Variants in CCSER2 observed in about 807,000 individuals in gnomAD.
The protein encoded by CCSER2 is serine-rich coiled-coil domain-containing protein 2.
CCSER2 carries 46 observed loss-of-function variants against 92.3 expected under a neutral mutation model. That is an observed-to-expected ratio of 0.50 (90% CI 0.39 to 0.64). The LOEUF is 0.64. CCSER2 is among the 30% of genes least tolerant of loss of function. The pLI, the probability that CCSER2 is intolerant of heterozygous loss-of-function variation, is 0.00. For missense variants in CCSER2, 1,244 were observed against 1,238.9 expected (o/e 1.00, Z -0.06); for synonymous variants, 433 against 431.4 (o/e 1.00, Z -0.04).
chr10:84,331,444 C>T (rs1440683062), intron 1 of CCSER2, among the ~76,000 whole-genome samples: 2 of 152,212 alleles, frequency 1.3e-5, no homozygotes, highest in Non-Finnish European at 2.9e-5. Context: ...TTGGGGCGCT[C>T]TCTCCAGATG....
At chr10:84,419,738 C>T (rs1028431745) in intron 4 of CCSER2, among the ~76,000 whole-genome samples, 4 of 152,166 alleles carry the variant, frequency 2.6e-5, no homozygotes, top group Admixed American at 6.5e-5. Flanking sequence ...AGGAAAATGA[C>T]AGAACCCTGA....
chr10:84,348,758 T>C (rs963603857), intron 1 of CCSER2, among the ~76,000 whole-genome samples: 2 of 152,106 alleles, frequency 1.3e-5, no homozygotes, highest in Non-Finnish European at 2.9e-5. Flanking sequence ...TTGGTAATAA[T>C]TTTATACTCA....
chr10:84,415,126 C>T (rs1372061226), intron 3 of CCSER2, among the ~76,000 whole-genome samples: 3 of 152,174 alleles, frequency 2.0e-5, no homozygotes, highest in Non-Finnish European at 4.4e-5. Flanking sequence ...TGTTAACTCA[C>T]CTTCTGAAGC....
chr10:84,469,335 G>A (rs892573645), intron 7 of CCSER2, among the ~76,000 whole-genome samples: 3 of 151,996 alleles, frequency 2.0e-5, no homozygotes, highest in Non-Finnish European at 2.9e-5. Flanking sequence ...AAAACAAGTG[G>A]AGATTATCTT....
intron 3 of CCSER2, among the ~76,000 whole-genome samples, chr10:84,396,817 G>A (rs894122192): frequency 5.9e-5 from 9 of 151,952 alleles, no homozygotes; most frequent in East Asian, 1.9e-4. Flanking sequence ...GATTACAGGC[G>A]TGAGCCACCA....
At position 84,372,368 on chromosome 10, in the gene CCSER2, A is replaced by C. The variant is rs1427009898; in HGVS notation, c.1316A>C (p.Glu439Ala). 1 of 1,612,518 alleles carries C rather than the reference A, an allele frequency of 6.2e-7. No homozygotes were observed. The highest frequency in any genetic ancestry group is 2.2e-5 in the East Asian group (1 of 44,846). ...CCAGAGGAAATGTCTCTCAAAGAAGAGAAACATGAAAATGGGCCACCACAG... is the reference window on the plus strand; with the variant it reads ...CCAGAGGAAATGTCTCTCAAAGAAGCGAAACATGAAAATGGGCCACCACAG... ...ITPEEMSLKE[E>A]KHENGPPQDM... Residue 439 changes from glutamate (E) to alanine (A), a missense_variant, in exon 2 of 10, where the codon GAG becomes GCG. By Grantham distance (107) the Glu-to-Ala change is moderately radical. Transcript: ENST00000372088.
At chr10:84,464,074 G>A (rs143218716) in intron 7 of CCSER2, 58 bp downstream of exon 7, 6 of 822,204 alleles carry the variant, frequency 7.3e-6, no homozygotes, top group African/African-American at 5.2e-5. Flanking sequence ...CTAAAATAAT[G>A]ATACAATGAC....
chr10:84,347,538 TG>T (rs1844580670), intron 1 of CCSER2, among the ~76,000 whole-genome samples: 1 of 128,872 alleles, frequency 7.8e-6, no homozygotes, highest in Admixed American at 7.5e-5. Context: ...ACGGGGCGGC[TG>T]GCCGGGCGGG....
chr10:84,508,888 G>T (rs1342995578), intron 9 of CCSER2, among the ~76,000 whole-genome samples: 1 of 152,112 alleles, frequency 6.6e-6, no homozygotes, highest in Admixed American at 6.5e-5. Flanking sequence ...GACATACTAT[G>T]TGCTAGGAAG....
intron 1 of CCSER2, among the ~76,000 whole-genome samples, chr10:84,347,402 G>C (rs1186359836): frequency 6.7e-6 from 1 of 148,168 alleles, no homozygotes; most frequent in Non-Finnish European, 1.5e-5. Flanking sequence ...TGGCCGGGGA[G>C]GGGGGGTGCT....
Position 84,371,039 on chromosome 10 carries a change from G to C in CCSER2, c.-14G>C. On this transcript the variant is annotated 5_prime_UTR_variant, in exon 2 of 10. An upstream start codon of the reference 5' UTR is lost. Transcript: ENST00000372088. ...ATTCTTTCAACTTTTAAGAACAAAT[G>C]CACCTTATAGCTCATGGAAGAAAAA... 1 of 1,513,628 alleles carries C rather than the reference G, an allele frequency of 6.6e-7. No homozygotes were observed. Among genetic ancestry groups the C allele is most frequent in the South Asian group, 1.3e-5 (1 of 75,288 alleles). 93.8% of individuals were successfully genotyped at this position (1,513,628 alleles called of 1,614,324 possible).
intron 1 of CCSER2, among the ~76,000 whole-genome samples, chr10:84,348,279 CG>C (rs2133054580): frequency 6.6e-6 from 1 of 152,364 alleles, no homozygotes; most frequent in East Asian, 1.9e-4. Context: ...AGCGAAACCC[CG>C]TCTCCACCAA....
intron 6 of CCSER2, among the ~76,000 whole-genome samples, chr10:84,442,802 A>G (rs371092637): frequency 2.6e-5 from 4 of 152,240 alleles, no homozygotes; most frequent in African/African-American, 9.6e-5. Flanking sequence ...ATATAGACCA[A>G]TGGAACAGAA....
chr10:84,383,163 G>A (rs181388429), intron 3 of CCSER2, among the ~76,000 whole-genome samples: 12 of 144,722 alleles, frequency 8.3e-5, no homozygotes, highest in Admixed American at 5.9e-4. Flanking sequence ...ATCAAACCTG[G>A]TTTATATTTG....
At chr10:84,502,572 C>G (rs1044900088) in intron 9 of CCSER2, among the ~76,000 whole-genome samples, 4 of 151,944 alleles carry the variant, frequency 2.6e-5, no homozygotes, top group African/African-American at 9.7e-5. Flanking sequence ...GAGGTTTCAC[C>G]GTGTTAGCCA....
At chr10:84,472,533 C>T (rs375167860) in intron 8 of CCSER2, among the ~76,000 whole-genome samples, 1 of 152,074 alleles carries the variant, frequency 6.6e-6, no homozygotes, top group South Asian at 2.1e-4. Context: ...GATCATGCCA[C>T]TGCACTTCAG....
chr10:84,457,915 G>A (rs906258680), intron 6 of CCSER2, among the ~76,000 whole-genome samples: 3 of 150,988 alleles, frequency 2.0e-5, no homozygotes, highest in African/African-American at 7.3e-5. Context: ...CTAATTTTTT[G>A]TATTTTTTTC....
chr10:84,501,838 T>TATATATATATATATATACTC (rs1848759377), intron 9 of CCSER2, among the ~76,000 whole-genome samples: 1 of 62,436 alleles, frequency 1.6e-5, no homozygotes, highest in African/African-American at 4.5e-5. Flanking sequence ...AAAAAAAATA[T>TATATATATATATATATACTC]ATATATATAT....
At chr10:84,441,362 A>G (rs898869060) in intron 6 of CCSER2, among the ~76,000 whole-genome samples, 1 of 151,972 alleles carries the variant, frequency 6.6e-6, no homozygotes, top group African/African-American at 2.4e-5. Context: ...TTCCTTATTC[A>G]TATCATTCAA....
Sources: allele counts gnomAD v4.1 joint callset (sites outside exome capture counted in the v4.1 genomes callset), GRCh38; gene constraint gnomAD v4.1.1; transcripts MANE v1.5; gene names NCBI Gene and HGNC (gene_info 2026-07-23, HGNC 2026-07-21).